Variants in KLHL2 observed in about 807,000 individuals in gnomAD.
KLHL2 encodes kelch-like protein 2.
In KLHL2, 15 loss-of-function variants were observed where a neutral mutation model predicts 75.8. That is an observed-to-expected ratio of 0.20 (90% confidence interval 0.13 to 0.30). The LOEUF (loss-of-function observed/expected upper bound fraction) is 0.30, where lower values mean the gene tolerates loss of function less well. Among genes scored for constraint, KLHL2 ranks in the 10% least tolerant of loss-of-function variants. The pLI is 1.00. For missense variants in KLHL2, 381 were observed against 741.0 expected (o/e 0.51, Z 5.64); for synonymous variants, 214 against 251.9 (o/e 0.85, Z 1.42).
At chr4:165,289,917 A>G (rs533088229) in intron 5 of KLHL2, among the ~76,000 whole-genome samples, 6 of 152,316 alleles carry the variant, frequency 3.9e-5, no homozygotes, top group African/African-American at 1.4e-4. Context: ...ATTCAGATTT[A>G]AAATATACAG....
rs1389104969 is a variant in KLHL2, at chr4:165,299,393, C to CT, written c.772-113dup. The CT allele has an allele frequency of 2.6e-5, 23 of 885,866 alleles. No homozygotes were observed. In the African/African-American group the frequency reaches 3.8e-4, roughly 15 times the overall value. The allele number at this position is 885,866 out of a possible 1,614,324, so 54.9% of individuals were successfully genotyped here. A position where few individuals can be genotyped will look rare whatever the true frequency, so the allele number is the denominator to read the frequency against. On this transcript the variant is annotated intron_variant, in intron 7 of 14. Transcript: ENST00000226725. ...TAAACTTTCCTCGTTTATTTTTAGA[C>CT]TAAACTAAAGGATATAGTTACTGCT...
At chr4:165,254,657 G>C (rs574059590) in intron 4 of KLHL2, among the ~76,000 whole-genome samples, 1 of 152,118 alleles carries the variant, frequency 6.6e-6, no homozygotes, top group Non-Finnish European at 1.5e-5. Flanking sequence ...GTTTGAATTG[G>C]GAGGTGCTAG....
At chr4:165,310,013 C>T (rs1579178250) in intron 9 of KLHL2, among the ~76,000 whole-genome samples, 3 of 152,132 alleles carry the variant, frequency 2.0e-5, no homozygotes, top group African/African-American at 7.2e-5. Flanking sequence ...CAACATGGTA[C>T]TTTAGCCCAT....
At chr4:165,287,216 C>G (rs1159422346) in intron 5 of KLHL2, among the ~76,000 whole-genome samples, 1 of 152,226 alleles carries the variant, frequency 6.6e-6, no homozygotes, top group African/African-American at 2.4e-5. Flanking sequence ...AATTTGACTC[C>G]TTTAGATACC....
chr4:165,220,113 G>A, intron 2 of KLHL2, 54 bp downstream of exon 2: 2 of 1,555,706 alleles, frequency 1.3e-6, no homozygotes, highest in Non-Finnish European at 1.7e-6. Context: ...TTATTTTTCA[G>A]TTGTTTGTAG....
At position 165,266,128 on chromosome 4, in the gene KLHL2, G is replaced by A. The variant is rs181197482; in HGVS notation, c.544+2769G>A. 9.6e-3 allele frequency among the ~76,000 whole-genome samples: 1,469 copies of A among 152,274 alleles called. 22 individuals are homozygous for A. Among genetic ancestry groups the A allele is most frequent in the African/African-American group, 0.032 (1,311 of 41,536 alleles). ...CTGCATAAATGTCTTCTTTTGAGAA[G>A]TGTCTGTTTATATCCTTTGTCCACT... On this transcript the variant is annotated intron_variant, in intron 5 of 14. Transcript: ENST00000226725.
Position 165,317,908 on chromosome 4 carries a change from C to A in KLHL2, c.1692C>A (p.Asn564Lys). The A allele has an allele frequency of 6.2e-7, 1 of 1,613,844 alleles. No individual in the cohort carries two copies. The highest frequency in any genetic ancestry group is 8.5e-7 in the Non-Finnish European group (1 of 1,179,836). The change falls in exon 14 of 15, where the codon AAC becomes AAA. Residue 564 changes from asparagine (N) to lysine (K), a missense_variant. Physicochemically the swap from Asn to Lys is moderately conservative, Grantham distance 94. Transcript: ENST00000226725. ...SCNLASVEYY[N>K]PTTDKWTVVS... ...ACTTGGCGTCAGTAGAATATTATAA[C>A]CCAACAACCGATAAATGGACAGTTG...
In KLHL2 at chr4:165,277,748, A is replaced by C. The variant is rs867245507; in HGVS notation, c.544+14389A>C. 1.7e-3 allele frequency: 888 copies of C among 534,438 alleles called. 1 individual carries two copies. The highest frequency in any genetic ancestry group is 7.5e-3 in the African/African-American group (379 of 50,410). The allele number at this position is 534,438 out of a possible 1,614,324, so 33.1% of individuals were successfully genotyped here. A position where few individuals can be genotyped will look rare whatever the true frequency, so the allele number is the denominator to read the frequency against. On this transcript the variant is annotated intron_variant, in intron 5 of 14. Transcript: ENST00000226725. ...CCCAACCTTAACTGTGGATGTTAAA[A>C]ACACACACACACACACACACACACA...
At chr4:165,208,866 G>A (rs952153254) in intron 1 of KLHL2, among the ~76,000 whole-genome samples, 2 of 152,054 alleles carry the variant, frequency 1.3e-5, no homozygotes, top group African/African-American at 4.8e-5. Flanking sequence ...GTCGTTCTCC[G>A]GTCAAATTTG....
intron 5 of KLHL2, among the ~76,000 whole-genome samples, chr4:165,291,005 T>G (rs1744464861): frequency 6.6e-6 from 1 of 152,218 alleles, no homozygotes; most frequent in African/African-American, 2.4e-5. Context: ...TGTCAGTGTT[T>G]TGGATTTTAG....
chr4:165,296,829 G>A (rs1744950057), intron 6 of KLHL2, among the ~76,000 whole-genome samples: 1 of 152,012 alleles, frequency 6.6e-6, no homozygotes, highest in Non-Finnish European at 1.5e-5. Context: ...ATTAAAGAGG[G>A]GTGTTAATTT....
At chr4:165,294,671 G>A (rs1560814101) in intron 6 of KLHL2, among the ~76,000 whole-genome samples, 1 of 152,094 alleles carries the variant, frequency 6.6e-6, no homozygotes, top group Non-Finnish European at 1.5e-5. Context: ...GATTGTCTAT[G>A]TAAATTACTC....
chr4:165,285,013 C>G (rs151173194), intron 5 of KLHL2, among the ~76,000 whole-genome samples: 1 of 152,152 alleles, frequency 6.6e-6, no homozygotes, highest in East Asian at 1.9e-4. Context: ...TCAATCATCT[C>G]CCACCAGGTC....
intron 4 of KLHL2, among the ~76,000 whole-genome samples, chr4:165,252,330 A>G (rs1388203624): frequency 2.6e-5 from 4 of 151,664 alleles, no homozygotes; most frequent in Non-Finnish European, 5.9e-5. Context: ...CGCCTCTCCA[A>G]TCCAGTCCAG....
chr4:165,273,262 C>CT (rs758668038), intron 5 of KLHL2, among the ~76,000 whole-genome samples: 5 of 152,058 alleles, frequency 3.3e-5, no homozygotes, highest in Admixed American at 1.3e-4. Flanking sequence ...TTTATACATC[C>CT]TCTTGTATTA....
chr4:165,283,996 C>T (rs1401922011), intron 5 of KLHL2, among the ~76,000 whole-genome samples: 4 of 152,336 alleles, frequency 2.6e-5, no homozygotes, highest in South Asian at 4.1e-4. Context: ...CTTTCAGCCA[C>T]GGCTGGAGTG....
intron 9 of KLHL2, among the ~76,000 whole-genome samples, chr4:165,307,083 G>A (rs531142064): frequency 6.6e-6 from 1 of 152,292 alleles, no homozygotes; most frequent in East Asian, 1.9e-4. Context: ...GCCAAGGTGG[G>A]CCGATCACAA....
intron 5 of KLHL2, chr4:165,278,672 G>C (rs770498349): frequency 3.8e-6 from 6 of 1,599,664 alleles, no homozygotes; most frequent in Non-Finnish European, 5.1e-6. Context: ...AACAGCACCA[G>C]CTATAGCTAC....
chr4:165,298,337 C>T (rs1387002558), intron 7 of KLHL2, among the ~76,000 whole-genome samples: 1 of 152,136 alleles, frequency 6.6e-6, no homozygotes, highest in African/African-American at 2.4e-5. Flanking sequence ...AGGTCTGACC[C>T]AAATACCGTT....
Sources: allele counts gnomAD v4.1 joint callset (sites outside exome capture counted in the v4.1 genomes callset), GRCh38; gene constraint gnomAD v4.1.1; transcripts MANE v1.5; gene names NCBI Gene and HGNC (gene_info 2026-07-23, HGNC 2026-07-21).